FAM13B: variants seen among roughly 807,000 people sequenced by gnomAD.
FAM13B encodes protein FAM13B.
FAM13B carries 60 observed loss-of-function variants against 117.3 expected under a neutral mutation model. That is an observed-to-expected ratio of 0.51 (90% CI 0.42 to 0.63). The LOEUF (loss-of-function observed/expected upper bound fraction) is 0.63, where lower values mean the gene tolerates loss of function less well. Ranked by LOEUF, FAM13B falls within the 30% of genes least tolerant of loss-of-function variation. The pLI, the probability that FAM13B is intolerant of heterozygous loss-of-function variation, is 0.00. For synonymous variants in FAM13B, 332 were observed against 356.1 expected, an observed-to-expected ratio of 0.93 and a Z score of 0.76; for missense variants, 972 against 1,091.9, an observed-to-expected ratio of 0.89 and a Z score of 1.55.
chr5:137,941,191 A>C (rs1761686277), intron 23 of FAM13B, among the ~76,000 whole-genome samples: 1 of 152,154 alleles, frequency 6.6e-6, no homozygotes, highest in Non-Finnish European at 1.5e-5. Flanking sequence ...TACAGACGTG[A>C]GCCACTGCGC....
intron 10 of FAM13B, among the ~76,000 whole-genome samples, chr5:137,971,288 G>C (rs1490140262): frequency 1.3e-5 from 2 of 151,906 alleles, no homozygotes; most frequent in Admixed American, 1.3e-4. Flanking sequence ...AATCAAACTA[G>C]AACTCAGGAT....
At chr5:137,949,636 C>T (rs984505678) in intron 17 of FAM13B, among the ~76,000 whole-genome samples, 1 of 152,052 alleles carries the variant, frequency 6.6e-6, no homozygotes, top group Non-Finnish European at 1.5e-5. Context: ...AAAAGTTAGC[C>T]AGGTGTGGTG....
chr5:137,963,518 A>C (rs758235158), intron 10 of FAM13B, among the ~76,000 whole-genome samples: 2 of 152,264 alleles, frequency 1.3e-5, no homozygotes, highest in Non-Finnish European at 2.9e-5. Context: ...ATACCTATGT[A>C]AACAAAAGCT....
At chr5:137,954,986 T>C (rs368008703) in intron 14 of FAM13B, among the ~76,000 whole-genome samples, 8 of 152,186 alleles carry the variant, frequency 5.3e-5, no homozygotes, top group East Asian at 1.9e-4. Context: ...AAGGACATTG[T>C]CAAGCTCTTT....
At chr5:137,985,429 G>A (rs1776937050) in intron 9 of FAM13B, 40 bp from the exon 10 acceptor site, 2 of 1,597,974 alleles carry the variant, frequency 1.3e-6, no homozygotes, top group Non-Finnish European at 1.7e-6. Flanking sequence ...GCCAAATGTT[G>A]AGTGTGTAAT....
At chr5:137,967,154 CTT>C (rs1488465865) in intron 10 of FAM13B, among the ~76,000 whole-genome samples, 2 of 150,862 alleles carry the variant, frequency 1.3e-5, no homozygotes, top group African/African-American at 4.9e-5. Context: ...TCAAAAATGA[CTT>C]TAAGTAGTCA....
chr5:137,991,244 A>G (rs1046778187), intron 7 of FAM13B, among the ~76,000 whole-genome samples: 1 of 152,264 alleles, frequency 6.6e-6, no homozygotes, highest in African/African-American at 2.4e-5. Flanking sequence ...ATGAATATAT[A>G]AAATGGACCA....
At chr5:138,012,503 A>T (rs1784294149) in intron 4 of FAM13B, among the ~76,000 whole-genome samples, 1 of 152,214 alleles carries the variant, frequency 6.6e-6, no homozygotes. Context: ...CAGTATAACT[A>T]AATTAAAAGG....
chr5:138,006,876 A>T (rs1782689773), intron 7 of FAM13B, 114 bp downstream of exon 7: 1 of 1,079,264 alleles, frequency 9.3e-7, no homozygotes, highest in Admixed American at 2.8e-5. Context: ...TCTTTTTCAC[A>T]CACAAATGCC....
At chr5:138,024,365 CA>C (rs1429386558) in intron 1 of FAM13B, among the ~76,000 whole-genome samples, 1 of 151,904 alleles carries the variant, frequency 6.6e-6, no homozygotes, top group Non-Finnish European at 1.5e-5. Context: ...GTTATGCTGC[CA>C]GAAGCCAAGA....
intron 10 of FAM13B, 114 bp downstream of exon 10, chr5:137,985,143 T>C (rs1297574701): frequency 1.1e-5 from 11 of 1,032,424 alleles, no homozygotes; most frequent in Non-Finnish European, 1.6e-5. Flanking sequence ...TGGGGATTTA[T>C]AATTGAGACA....
intron 1 of FAM13B, 69 bp from the exon 2 acceptor site, chr5:138,021,266 C>G (rs1278770924): frequency 2.7e-6 from 3 of 1,111,040 alleles, no homozygotes; most frequent in East Asian, 6.4e-5. Context: ...TTAATAGAAG[C>G]AGCAGTACAG....
chr5:138,033,212 A>G (rs1790673190), upstream of FAM13B: 1 of 282,968 alleles, frequency 3.5e-6, no homozygotes, highest in Non-Finnish European at 5.3e-6. Flanking sequence ...AAGCTTGAGG[A>G]CCGCGGTTCC....
At chr5:138,025,940 G>A (rs1054138983) in intron 1 of FAM13B, among the ~76,000 whole-genome samples, 15 of 152,092 alleles carry the variant, frequency 9.9e-5, no homozygotes, top group South Asian at 4.1e-4. Context: ...CAAATGAAAC[G>A]TACCTTTCTT....
intron 10 of FAM13B, among the ~76,000 whole-genome samples, chr5:137,968,984 T>A (rs968117692): frequency 1.3e-5 from 2 of 152,162 alleles, no homozygotes; most frequent in African/African-American, 4.8e-5. Context: ...CGCTGATTGC[T>A]ACCACAGCAG....
Position 138,021,049 on chromosome 5 carries a change from C to T in FAM13B, c.-54G>A, listed in dbSNP as rs1275649440. 1 of 1,231,296 alleles carries T rather than the reference C, an allele frequency of 8.1e-7. No homozygotes were observed. 76.3% of individuals were successfully genotyped at this position (1,231,296 alleles called of 1,614,324 possible). On this transcript the variant is annotated 5_prime_UTR_variant, in exon 2 of 24. Transcript: ENST00000689681. Reference sequence around the variant, plus strand: ...AACTTACCTTTCAGTACTTAAATACCTAAGTTTAAAAAATGGCTTCTGCAC... The same window carrying T: ...AACTTACCTTTCAGTACTTAAATACTTAAGTTTAAAAAATGGCTTCTGCAC...
In FAM13B at chr5:137,959,706, C is replaced by T; in HGVS notation, c.1351G>A (p.Gly451Ser). The change falls in exon 13 of 24, where the codon GGT becomes AGT. Residue 451 changes from glycine to serine, a missense_variant. Coordinates refer to ENST00000689681, the MANE Select transcript of FAM13B (RefSeq NM_001385994.1). ...TCCCCTTGAACACCAACACTCTGAC[C>T]TCCTGGTACTTCTGATTCAGTGTTG... Reference protein sequence around the residue: ...NANTESEVPGGQSVGVQGEAA... With the variant: ...NANTESEVPGSQSVGVQGEAA... 1.2e-6 allele frequency: 2 copies of T among 1,613,918 alleles called. No individual in the cohort carries two copies. Among genetic ancestry groups the T allele is most frequent in the Non-Finnish European group, 1.7e-6 (2 of 1,179,848 alleles).
intron 1 of FAM13B, among the ~76,000 whole-genome samples, chr5:138,046,035 G>T (rs1791632343): frequency 6.6e-6 from 1 of 152,174 alleles, no homozygotes; most frequent in South Asian, 2.1e-4. Context: ...TTGTGGGAGG[G>T]ATGCAGTGGG....
intron 1 of FAM13B, among the ~76,000 whole-genome samples, chr5:138,040,936 C>T (rs761922085): frequency 4.0e-5 from 6 of 151,340 alleles, no homozygotes; most frequent in Non-Finnish European, 7.4e-5. Flanking sequence ...TGGTGGCACA[C>T]GCCTGTAATC....
Sources: gnomAD v4.1 joint callset for allele counts (sites outside exome capture counted in the v4.1 genomes callset) on GRCh38, gnomAD v4.1.1 for gene constraint, MANE v1.5 for transcripts, NCBI Gene and HGNC (gene_info 2026-07-23, HGNC 2026-07-21) for gene names.